The following DGKB variants were observed in gnomAD, a reference collection of about 807,000 sequenced individuals.
DGKB encodes the protein diacylglycerol kinase beta, also known as 90 kDa diacylglycerol kinase.
In DGKB, 67 loss-of-function variants were observed where a neutral mutation model predicts 114.3. The ratio of observed to expected loss-of-function variants is 0.59; its 90% confidence interval spans 0.48 to 0.72. The LOEUF is 0.72. DGKB is among the 30% of genes least tolerant of loss of function. The pLI is 0.00. For missense variants in DGKB, 907 were observed against 975.2 expected (o/e 0.93, Z 0.93); for synonymous variants, 398 against 323.1 (o/e 1.23, Z -2.49).
intron 13 of DGKB, among the ~76,000 whole-genome samples, chr7:14,641,974 A>C (rs927784008): frequency 2.0e-5 from 3 of 152,128 alleles, no homozygotes; most frequent in Non-Finnish European, 4.4e-5. Flanking sequence ...CTTTACACTT[A>C]AGAGAACAAT....
At chr7:14,575,613 A>G (rs1245434749) in intron 19 of DGKB, among the ~76,000 whole-genome samples, 1 of 152,208 alleles carries the variant, frequency 6.6e-6, no homozygotes, top group Non-Finnish European at 1.5e-5. Context: ...AACAGAGAAT[A>G]AAAAGTTCTC....
intron 1 of DGKB, among the ~76,000 whole-genome samples, chr7:14,896,359 G>A (rs909551598): frequency 6.6e-6 from 1 of 151,594 alleles, no homozygotes; most frequent in South Asian, 2.1e-4. Flanking sequence ...ACTTATCTAT[G>A]TTAATAGTTA....
intron 10 of DGKB, 106 bp downstream of exon 10, chr7:14,685,135 GAGAC>G: frequency 1.5e-6 from 1 of 668,788 alleles, no homozygotes; most frequent in Non-Finnish European, 2.6e-6. Context: ...CACATGTACA[GAGAC>G]AGTCCAGATC....
At chr7:14,295,861 C>T (rs973794704) in intron 23 of DGKB, among the ~76,000 whole-genome samples, 1 of 152,018 alleles carries the variant, frequency 6.6e-6, no homozygotes, top group Non-Finnish European at 1.5e-5. Context: ...CCCTAGCCCC[C>T]CAACCCAGAC....
Position 14,149,413 on chromosome 7 carries a change from G to T in DGKB, c.2305-175C>A, listed in dbSNP as rs574021888. Among the ~76,000 whole-genome samples the T allele has an allele frequency of 4.9e-3, 743 of 152,244 alleles. 1 individual carries two copies. Among genetic ancestry groups the T allele is most frequent in the Non-Finnish European group, 8.8e-3 (597 of 67,994 alleles). ...TTATTTCAAAAATATTTTTAAGGGAGATAGGGATATGTACTTAAATAATAT... is the reference window on the plus strand; with the variant it reads ...TTATTTCAAAAATATTTTTAAGGGATATAGGGATATGTACTTAAATAATAT... On this transcript the variant is annotated intron_variant, in intron 25 of 25. Transcript: ENST00000402815.
chr7:14,913,320 G>A (rs1269012670), intron 1 of DGKB, among the ~76,000 whole-genome samples: 1 of 151,660 alleles, frequency 6.6e-6, no homozygotes, highest in Admixed American at 6.6e-5. Context: ...ATACTGAGCA[G>A]TTATTCTGTT....
intron 22 of DGKB, among the ~76,000 whole-genome samples, chr7:14,339,090 T>C (rs1259772971): frequency 1.3e-5 from 2 of 151,964 alleles, no homozygotes; most frequent in East Asian, 1.9e-4. Flanking sequence ...ATTGTGATGA[T>C]TGCCCCTGTT....
intron 23 of DGKB, among the ~76,000 whole-genome samples, chr7:14,181,467 T>A (rs1410095568): frequency 6.6e-6 from 1 of 152,224 alleles, no homozygotes; most frequent in Non-Finnish European, 1.5e-5. Flanking sequence ...CTATGAGCAT[T>A]GCCACAATCC....
At chr7:14,689,208 T>TTTTTTTTA in intron 9 of DGKB, among the ~76,000 whole-genome samples, 1 of 109,848 alleles carries the variant, frequency 9.1e-6, no homozygotes, top group East Asian at 4.3e-4. Flanking sequence ...TATTTTTTTT[T>TTTTTTTTA]TTTTTTTTTT....
At chr7:14,363,046 C>T (rs964452695) in intron 21 of DGKB, among the ~76,000 whole-genome samples, 1 of 152,098 alleles carries the variant, frequency 6.6e-6, no homozygotes. Flanking sequence ...GTCATGAGAC[C>T]TCCATGTTAA....
At chr7:14,742,816 A>G (rs1259403451) in intron 4 of DGKB, among the ~76,000 whole-genome samples, 1 of 152,220 alleles carries the variant, frequency 6.6e-6, no homozygotes, top group African/African-American at 2.4e-5. Context: ...TAAGAAGAGT[A>G]AAATGTGTTT....
At chr7:14,610,253 A>G (rs943831535) in intron 16 of DGKB, among the ~76,000 whole-genome samples, 1 of 152,050 alleles carries the variant, frequency 6.6e-6, no homozygotes, top group Non-Finnish European at 1.5e-5. Context: ...CCATTTCCCT[A>G]AGAGAATTAA....
chr7:14,197,814 T>G (rs577961275), intron 23 of DGKB, among the ~76,000 whole-genome samples: 1 of 152,042 alleles, frequency 6.6e-6, no homozygotes, highest in Non-Finnish European at 1.5e-5. Flanking sequence ...TACCTACTAG[T>G]GGTTTCTGTT....
chr7:14,864,321 T>C (rs1019561551), intron 1 of DGKB, among the ~76,000 whole-genome samples: 3 of 152,120 alleles, frequency 2.0e-5, no homozygotes, highest in Non-Finnish European at 1.5e-5. Context: ...AACATACACA[T>C]GCACATACAA....
intron 17 of DGKB, among the ~76,000 whole-genome samples, chr7:14,593,224 G>A (rs886646778): frequency 2.0e-5 from 3 of 151,956 alleles, no homozygotes; most frequent in African/African-American, 7.2e-5. Context: ...GAGGGACAGA[G>A]AAAGGGAAAA....
At chr7:14,175,175 C>T (rs1178684030) in intron 25 of DGKB, among the ~76,000 whole-genome samples, 3 of 152,124 alleles carry the variant, frequency 2.0e-5, no homozygotes, top group Non-Finnish European at 4.4e-5. Context: ...TACTTCATAC[C>T]TGCCCTTGAG....
intron 23 of DGKB, among the ~76,000 whole-genome samples, chr7:14,299,631 C>T (rs1399662323): frequency 6.6e-6 from 1 of 151,980 alleles, no homozygotes; most frequent in Non-Finnish European, 1.5e-5. Context: ...ATAGTGATAA[C>T]ATTTTCTTAA....
chr7:14,340,865 TA>T (rs1395761341), intron 22 of DGKB, among the ~76,000 whole-genome samples: 2 of 151,780 alleles, frequency 1.3e-5, no homozygotes, highest in Non-Finnish European at 2.9e-5. Context: ...CAGCAGGTAG[TA>T]CACTAAGACA....
chr7:14,468,058 T>C (rs1201041730), intron 21 of DGKB, among the ~76,000 whole-genome samples: 1 of 152,164 alleles, frequency 6.6e-6, no homozygotes, highest in African/African-American at 2.4e-5. Flanking sequence ...ATATTATTGA[T>C]AGAATGAATC....
Sources: allele counts gnomAD v4.1 joint callset (sites outside exome capture counted in the v4.1 genomes callset), GRCh38; gene constraint gnomAD v4.1.1; transcripts MANE v1.5; gene names NCBI Gene and HGNC (gene_info 2026-07-23, HGNC 2026-07-21).